The following RARB variants were observed in gnomAD, a reference collection of about 807,000 sequenced individuals.
RARB encodes HBV-activated protein.
Under a neutral mutation model 51.9 loss-of-function variants are expected in RARB, and 17 were observed. The observed-to-expected ratio is 0.33, with a 90% CI of 0.22 to 0.49. The LOEUF is 0.49. RARB is among the 20% of genes least tolerant of loss of function. The pLI, the probability that RARB is intolerant of heterozygous loss-of-function variation, is 0.99. For missense variants in RARB, 369 were observed against 550.8 expected, an observed-to-expected ratio of 0.67 and a Z score of 3.30; for synonymous variants, 215 against 195.4, an observed-to-expected ratio of 1.10 and a Z score of -0.84.
chr3:24,893,684 ATT>A (rs35567273), intron 2 of RARB, among the ~76,000 whole-genome samples: 67 of 144,816 alleles, frequency 4.6e-4, no homozygotes, highest in East Asian at 1.6e-3. Context: ...TGCCTCACTG[ATT>A]TTTTTTTTTT....
intron 2 of RARB, among the ~76,000 whole-genome samples, chr3:25,044,693 C>T (rs542324267): frequency 4.6e-5 from 7 of 152,268 alleles, no homozygotes; most frequent in East Asian, 1.9e-4. Context: ...GGAAGATATT[C>T]AACTTTTTGT....
At chr3:25,122,307 A>G (rs1699797001) in intron 3 of RARB, among the ~76,000 whole-genome samples, 1 of 152,040 alleles carries the variant, frequency 6.6e-6, no homozygotes, top group Non-Finnish European at 1.5e-5. Context: ...AATAAAATGC[A>G]AATATTTCTC....
chr3:25,440,775 C>T (rs536846775), intron 1 of RARB, among the ~76,000 whole-genome samples: 1 of 151,126 alleles, frequency 6.6e-6, no homozygotes, highest in East Asian at 1.9e-4. Context: ...ACCGTCCCCC[C>T]CAAAAATAAA....
intron 3 of RARB, among the ~76,000 whole-genome samples, chr3:25,064,317 A>G (rs187707340): frequency 1.1e-3 from 162 of 152,252 alleles, no homozygotes; most frequent in African/African-American, 3.8e-3. Context: ...AGATCTCTCA[A>G]TTTTATGGGA....
intron 1 of RARB, among the ~76,000 whole-genome samples, chr3:25,450,580 A>G (rs939559274): frequency 6.6e-6 from 1 of 152,076 alleles, no homozygotes; most frequent in African/African-American, 2.4e-5. Flanking sequence ...TCCTCAGCCT[A>G]GATCAGTGTT....
At chr3:24,864,974 T>C (rs1021971748) in intron 2 of RARB, among the ~76,000 whole-genome samples, 7 of 152,194 alleles carry the variant, frequency 4.6e-5, no homozygotes, top group Non-Finnish European at 8.8e-5. Flanking sequence ...AATGGTATTG[T>C]CATTCGCTTT....
At chr3:24,952,239 A>G (rs1043861907) in intron 2 of RARB, among the ~76,000 whole-genome samples, 1 of 136,818 alleles carries the variant, frequency 7.3e-6, no homozygotes, top group Non-Finnish European at 1.6e-5. Context: ...AACAAAAAGT[A>G]ACATTTGTTT....
At chr3:24,941,374 C>CTTT (rs567240324) in intron 2 of RARB, among the ~76,000 whole-genome samples, 3,869 of 145,914 alleles carry the variant, frequency 0.027, 75 homozygotes, top group Middle Eastern at 0.064. Context: ...AAAAGGCAGT[C>CTTT]TTTTTTTTTT....
At chr3:25,544,210 A>G (rs896090530) in intron 3 of RARB, among the ~76,000 whole-genome samples, 4 of 152,270 alleles carry the variant, frequency 2.6e-5, no homozygotes, top group African/African-American at 9.6e-5. Context: ...TGAAAAAAAT[A>G]CATAAATGCA....
At chr3:25,292,303 C>G (rs1355697596) in intron 5 of RARB, among the ~76,000 whole-genome samples, 1 of 152,126 alleles carries the variant, frequency 6.6e-6, no homozygotes, top group African/African-American at 2.4e-5. Context: ...GAAATGTGTC[C>G]AAGAAATGTC....
Position 25,104,513 on chromosome 3 carries a change from G to A in RARB, c.-327-27648G>A, listed in dbSNP as rs1269454173. 1.3e-5 allele frequency among the ~76,000 whole-genome samples: 2 copies of A among 152,234 alleles called. 1 individual carries two copies. The highest frequency in any genetic ancestry group is 4.8e-5 in the African/African-American group (2 of 41,538). On this transcript the variant is annotated intron_variant, in intron 3 of 11. Coordinates refer to the RARB transcript ENST00000383772. Reference sequence around the variant, plus strand: ...TAAAAATTTAGCTTGGCATAGCAGTGCATATCTATAGTTCCAGCTACTCGG... The same window carrying A: ...TAAAAATTTAGCTTGGCATAGCAGTACATATCTATAGTTCCAGCTACTCGG...
intron 2 of RARB, among the ~76,000 whole-genome samples, chr3:25,017,864 G>A (rs1470028819): frequency 2.6e-5 from 4 of 152,124 alleles, no homozygotes; most frequent in Non-Finnish European, 5.9e-5. Context: ...GTATTTGGAG[G>A]TGGGGCCTTT....
At chr3:25,233,388 C>A (rs1702228929) in intron 5 of RARB, among the ~76,000 whole-genome samples, 1 of 152,056 alleles carries the variant, frequency 6.6e-6, no homozygotes. Flanking sequence ...GACCTTACGT[C>A]CTGCAACCTT....
chr3:25,072,123 A>C (rs907009153), intron 3 of RARB, among the ~76,000 whole-genome samples: 2 of 152,178 alleles, frequency 1.3e-5, no homozygotes, highest in East Asian at 1.9e-4. Flanking sequence ...TAGTGTGCCG[A>C]ATGTCCCTTA....
At chr3:25,208,561 C>T (rs769376789) in intron 5 of RARB, among the ~76,000 whole-genome samples, 32 of 152,204 alleles carry the variant, frequency 2.1e-4, no homozygotes, top group South Asian at 6.2e-4. Flanking sequence ...CAGTGCCATT[C>T]TGTGTTGAAA....
At chr3:25,153,709 CTG>C (rs1354565488) in intron 4 of RARB, among the ~76,000 whole-genome samples, 4 of 152,200 alleles carry the variant, frequency 2.6e-5, no homozygotes, top group African/African-American at 7.2e-5. Flanking sequence ...TATGTACTCA[CTG>C]TGGTCAGAGC....
intron 1 of RARB, among the ~76,000 whole-genome samples, chr3:24,854,516 C>T (rs796577627): frequency 7.7e-4 from 117 of 152,322 alleles, no homozygotes; most frequent in African/African-American, 2.7e-3. Flanking sequence ...GCATTTCCTT[C>T]ACCTGGGTAC....
At chr3:25,210,553 T>TTTTTTTTTTTTTTGTTTTTTGA (rs869216441) in intron 5 of RARB, among the ~76,000 whole-genome samples, 1 of 82,498 alleles carries the variant, frequency 1.2e-5, no homozygotes, top group Non-Finnish European at 2.4e-5. Context: ...TTTTTTTTTT[T>TTTTTTTTTTTTTTGTTTTTTGA]GAGATTGAGT....
intron 2 of RARB, among the ~76,000 whole-genome samples, chr3:25,025,641 G>A (rs910746129): frequency 6.6e-6 from 1 of 152,182 alleles, no homozygotes; most frequent in Non-Finnish European, 1.5e-5. Context: ...GGACAATCTG[G>A]AGAGTATGTT....
Sources: allele counts gnomAD v4.1 joint callset (sites outside exome capture counted in the v4.1 genomes callset), GRCh38; gene constraint gnomAD v4.1.1; transcripts MANE v1.5; gene names NCBI Gene and HGNC (gene_info 2026-07-23, HGNC 2026-07-21).